The following XKR6 variants were observed in gnomAD, a reference collection of about 807,000 sequenced individuals.
XKR6 encodes the protein XK related 6.
XKR6 carries 22 observed loss-of-function variants against 56.7 expected under a neutral mutation model. That is an observed-to-expected ratio of 0.39 (90% CI 0.28 to 0.55). XKR6 has a LOEUF of 0.55. Among genes scored for constraint, XKR6 ranks in the 20% least tolerant of loss-of-function variants. The pLI, the probability that XKR6 is intolerant of heterozygous loss-of-function variation, is 0.66. For missense variants in XKR6, 852 were observed against 889.0 expected (o/e 0.96, Z 0.53); for synonymous variants, 524 against 387.8 (o/e 1.35, Z -4.13).
chr8:11,085,057 G>A (rs947910516), intron 1 of XKR6, among the ~76,000 whole-genome samples: 3 of 152,110 alleles, frequency 2.0e-5, no homozygotes, highest in Non-Finnish European at 2.9e-5. Flanking sequence ...GCCTTTGCCA[G>A]CCTTCCTTCG....
In XKR6 at chr8:11,200,735, C is replaced by G; in HGVS notation, c.605G>C (p.Arg202Pro). The G allele has an allele frequency of 6.3e-7, 1 of 1,591,814 alleles. No individual in the cohort carries two copies. Among genetic ancestry groups the G allele is most frequent in the Non-Finnish European group, 8.5e-7 (1 of 1,172,304 alleles). ...GCCGGCCCCCATCATGGGGGGGCCC[C>G]GGCTGGTGAGCCCCTCCACGGCGCC... Reference protein sequence around the residue: ...GLGAVEGLTSRGPPMMGAGYV... With the variant: ...GLGAVEGLTSPGPPMMGAGYV... The change falls in exon 1 of 3, where the codon CGG (arginine) becomes CCG (proline). Residue 202 changes from arginine to proline, a missense_variant. By Grantham distance (103) the Arg-to-Pro change is moderately radical. Coordinates refer to ENST00000416569, the MANE Select transcript of XKR6 (RefSeq NM_173683.4). This position sits in a 1 kb window ranked among gnomAD's most constrained non-coding sequence, Gnocchi z 6.4.
chr8:10,962,531 T>C (rs11985330), intron 1 of XKR6, among the ~76,000 whole-genome samples: 15,295 of 152,176 alleles, frequency 0.1, 1,555 homozygotes, highest in African/African-American at 0.27. Flanking sequence ...TTTTGGAACT[T>C]GTAAGGAAGT....
chr8:10,914,903 C>G (rs1800511870), intron 2 of XKR6, among the ~76,000 whole-genome samples: 1 of 152,226 alleles, frequency 6.6e-6, no homozygotes, highest in South Asian at 2.1e-4. Flanking sequence ...TGCTCAAGGC[C>G]TTTGTCTGGG....
chr8:11,106,433 C>G (rs931498493), intron 1 of XKR6: 2 of 152,256 alleles, frequency 1.3e-5, no homozygotes, highest in African/African-American at 4.8e-5. Flanking sequence ...CCATTCCTGG[C>G]CTCAAGGGAA....
rs1229372645 is a variant in XKR6 at position 11,034,678 on chromosome 8, T to C, written c.765-109848A>G. ...TCAGTCCCCTAAAGATACCAGCACA[T>C]GACTGTCAGGCCCCTGCTGGGACAG... On this transcript the variant is annotated intron_variant, in intron 1 of 2. Coordinates refer to ENST00000416569, the MANE Select transcript of XKR6 (RefSeq NM_173683.4). 1.3e-5 allele frequency among the ~76,000 whole-genome samples: 2 copies of C among 152,184 alleles called. 1 individual carries two copies. The highest frequency in any genetic ancestry group is 4.1e-4 in the South Asian group (2 of 4,832).
At chr8:10,902,479 G>A (rs747843509) in intron 2 of XKR6, among the ~76,000 whole-genome samples, 7 of 152,100 alleles carry the variant, frequency 4.6e-5, no homozygotes, top group Non-Finnish European at 7.3e-5. Flanking sequence ...CTGCCATGTC[G>A]CGCTGCTCCC....
chr8:11,193,594 T>C lies in XKR6; in HGVS notation c.764+6982A>G, dbSNP rs1017626458. ...ACCTTAATCTAAACAAACAAAAAAA[T>C]TCACTTAACAGAATTATTTCCTAAA... On this transcript the variant is annotated intron_variant, in intron 1 of 2. Transcript: ENST00000416569. 2.3e-4 allele frequency among the ~76,000 whole-genome samples: 35 copies of C among 152,064 alleles called. 1 individual carries two copies. The highest frequency in any genetic ancestry group is 5.9e-5 in the Non-Finnish European group (4 of 68,002).
At chr8:11,172,508 C>G (rs1008224965) in intron 1 of XKR6, among the ~76,000 whole-genome samples, 3 of 152,120 alleles carry the variant, frequency 2.0e-5, no homozygotes, top group Admixed American at 6.5e-5. Flanking sequence ...TAGATCTGCA[C>G]AAGTACCCTT....
intron 1 of XKR6, among the ~76,000 whole-genome samples, chr8:11,168,591 C>A (rs756317402): frequency 1.3e-5 from 2 of 152,120 alleles, no homozygotes; most frequent in African/African-American, 2.4e-5. Flanking sequence ...GCAGAACACA[C>A]ATTCTTCTAA....
At chr8:11,092,642 G>C (rs979727242) in intron 1 of XKR6, among the ~76,000 whole-genome samples, 1 of 152,172 alleles carries the variant, frequency 6.6e-6, no homozygotes, top group Non-Finnish European at 1.5e-5. Flanking sequence ...AGAGCCGGGA[G>C]ACTGCAAGAA....
intron 1 of XKR6, among the ~76,000 whole-genome samples, chr8:11,034,898 G>A (rs113605113): frequency 6.6e-6 from 1 of 152,220 alleles, no homozygotes; most frequent in East Asian, 1.9e-4. Context: ...CATAAGCTGG[G>A]CTTCTCCTGC....
intron 1 of XKR6, among the ~76,000 whole-genome samples, chr8:11,071,652 C>T (rs1323249076): frequency 3.3e-5 from 5 of 150,882 alleles, no homozygotes; most frequent in East Asian, 2.0e-4. Context: ...AGTCCATGAG[C>T]CCCGAGTCTA....
chr8:11,038,072 A>T (rs972284137), intron 1 of XKR6, among the ~76,000 whole-genome samples: 12 of 152,082 alleles, frequency 7.9e-5, no homozygotes, highest in African/African-American at 2.9e-4. Context: ...TGTCTAAGAC[A>T]AACTATTAAC....
At chr8:11,067,542 A>G (rs1269969417) in intron 1 of XKR6, among the ~76,000 whole-genome samples, 2 of 152,248 alleles carry the variant, frequency 1.3e-5, no homozygotes, top group African/African-American at 4.8e-5. Flanking sequence ...AACATTATTT[A>G]TCTTAGACAT....
At chr8:10,998,491 C>A (rs1318995205) in intron 1 of XKR6, among the ~76,000 whole-genome samples, 1 of 152,156 alleles carries the variant, frequency 6.6e-6, no homozygotes, top group African/African-American at 2.4e-5. Flanking sequence ...GTAAGAGCTC[C>A]ACTTCAAATT....
chr8:10,977,753 G>A (rs1487449130), intron 1 of XKR6, among the ~76,000 whole-genome samples: 2 of 151,414 alleles, frequency 1.3e-5, no homozygotes, highest in East Asian at 1.9e-4. Context: ...AGGCAGTAAC[G>A]TGGGAAGGTT....
chr8:10,980,093 T>C (rs1447624931), intron 1 of XKR6, among the ~76,000 whole-genome samples: 1 of 152,192 alleles, frequency 6.6e-6, no homozygotes, highest in Non-Finnish European at 1.5e-5. Flanking sequence ...AGATGCTCTA[T>C]GCAGGCCTGG....
At chr8:11,031,990 C>T (rs1799004069) in intron 1 of XKR6, among the ~76,000 whole-genome samples, 1 of 152,198 alleles carries the variant, frequency 6.6e-6, no homozygotes, top group Non-Finnish European at 1.5e-5. Flanking sequence ...ACAGCTGTTT[C>T]CAAGCAGGTG....
intron 1 of XKR6, among the ~76,000 whole-genome samples, chr8:10,971,283 T>G (rs1050546563): frequency 6.6e-6 from 1 of 151,632 alleles, no homozygotes; most frequent in African/African-American, 2.4e-5. Flanking sequence ...TAGCCAGGTG[T>G]GGTGGCGGGC....
Sources: allele counts gnomAD v4.1 joint callset (sites outside exome capture counted in the v4.1 genomes callset), GRCh38; gene constraint gnomAD v4.1.1; non-coding constraint Gnocchi (gnomAD v3.1); transcripts MANE v1.5; gene names NCBI Gene and HGNC (gene_info 2026-07-23, HGNC 2026-07-21).